Variants in EBF4 observed in about 807,000 individuals in gnomAD.
EBF4 encodes the protein EBF transcription factor 4, also known as transcription factor COE4.
Under a neutral mutation model 67.1 loss-of-function variants are expected in EBF4, and 34 were observed. The ratio of observed to expected loss-of-function variants is 0.51; its 90% CI spans 0.39 to 0.67. The LOEUF (loss-of-function observed/expected upper bound fraction) is 0.67. Ranked by LOEUF, EBF4 falls within the 30% of genes least tolerant of loss-of-function variation. The probability of loss-of-function intolerance (pLI) is 0.00; values close to 1 mark genes in which losing one functional copy is unlikely to be tolerated. For missense variants in EBF4, 837 were observed against 873.3 expected (o/e 0.96, Z 0.52); for synonymous variants, 387 against 377.7 (o/e 1.02, Z -0.29).
intron 1 of EBF4, among the ~76,000 whole-genome samples, chr20:2,702,786 G>A (rs1241559083): frequency 6.6e-6 from 1 of 152,128 alleles, no homozygotes; most frequent in African/African-American, 2.4e-5. Flanking sequence ...TGACCTAAGT[G>A]GTCCTCAAGG....
chr20:2,743,268 T>TTGC (rs2087994751), intron 6 of EBF4, among the ~76,000 whole-genome samples: 1 of 152,176 alleles, frequency 6.6e-6, no homozygotes, highest in South Asian at 2.1e-4. Context: ...TGTCTCCCCC[T>TTGC]GGTGGGCAAG....
chr20:2,711,619 G>A (rs1490665200), intron 6 of EBF4, among the ~76,000 whole-genome samples: 1 of 152,152 alleles, frequency 6.6e-6, no homozygotes, highest in Non-Finnish European at 1.5e-5. Flanking sequence ...AAGTATTTTT[G>A]TTTATTTGTT....
At chr20:2,703,421 G>A (rs1353047706) in intron 1 of EBF4, among the ~76,000 whole-genome samples, 1 of 152,012 alleles carries the variant, frequency 6.6e-6, no homozygotes, top group East Asian at 1.9e-4. Context: ...GGATGACAGA[G>A]CAAAACCCTG....
chr20:2,720,386 G>A (rs4815538), intron 6 of EBF4, among the ~76,000 whole-genome samples: 10,643 of 152,140 alleles, frequency 0.07, 475 homozygotes, highest in Middle Eastern at 0.11. Flanking sequence ...GTGAGCCACC[G>A]CCCCCGGCCC....
exon 8 of EBF4, chr20:2,749,488 C>A: frequency 6.5e-7 from 1 of 1,548,392 alleles, no homozygotes. Context: ...CAAGCATGGC[C>A]GCAGGGCGCG....
At chr20:2,719,784 A>G (rs999347160) in intron 6 of EBF4, among the ~76,000 whole-genome samples, 7 of 152,208 alleles carry the variant, frequency 4.6e-5, no homozygotes, top group African/African-American at 1.7e-4. Context: ...TTTTGAATTT[A>G]TTGAAACTTG....
intron 6 of EBF4, among the ~76,000 whole-genome samples, chr20:2,720,719 T>C (rs2087668859): frequency 6.6e-6 from 1 of 152,220 alleles, no homozygotes; most frequent in African/African-American, 2.4e-5. Context: ...AAATATTTTA[T>C]CTATTTATCC....
At chr20:2,730,898 T>C (rs563742939) in intron 6 of EBF4, among the ~76,000 whole-genome samples, 1 of 152,232 alleles carries the variant, frequency 6.6e-6, no homozygotes, top group South Asian at 2.1e-4. Context: ...TTGCTGGGTT[T>C]TTTGTTTGTT....
Position 2,748,620 on chromosome 20 carries a change from G to A in EBF4, c.629G>A (p.Arg210His). ...AATGCGGGGAATCCCAGAGACATGCGCCGCTTCCAGGTGGGTCTGGAGAGA... is the reference window on the plus strand; with the variant it reads ...AATGCGGGGAATCCCAGAGACATGCACCGCTTCCAGGTGGGTCTGGAGAGA... The change falls in exon 7 of 17, where the codon CGC becomes CAC. Residue 210 changes from arginine to histidine, a missense_variant. Coordinates refer to ENST00000609451, the Ensembl canonical transcript of EBF4. 3 of 1,551,522 alleles carry A rather than the reference G, an allele frequency of 1.9e-6. No homozygotes were observed. Among genetic ancestry groups the A allele is most frequent in the South Asian group, 1.2e-5 (1 of 84,054 alleles).
rs1343674733 is a variant in EBF4, at chr20:2,755,803, G to T, written c.1717G>T (p.Ala573Ser). 3 of 1,548,474 alleles carry T rather than the reference G, an allele frequency of 1.9e-6. No homozygotes were observed. In the Admixed American group the frequency reaches 5.9e-5, roughly 30 times the overall value. ...CTCCCCACCCCAGGCCTGCCCCAGA[G>T]CCCACGGAGAGGGGCTTCCAGGTGA... Residue 573 changes from alanine (A) to serine (S), a missense_variant, in exon 15 of 17, where the codon GCC becomes TCC. Ala to Ser is a moderately conservative substitution (Grantham distance 99). Coordinates refer to ENST00000609451, the Ensembl canonical transcript of EBF4. This position sits in a 1 kb window ranked among gnomAD's most constrained non-coding sequence, Gnocchi z 4.7.
intron 6 of EBF4, among the ~76,000 whole-genome samples, chr20:2,720,932 G>T (rs561493918): frequency 2.0e-5 from 3 of 152,150 alleles, no homozygotes; most frequent in Non-Finnish European, 4.4e-5. Flanking sequence ...TTTCTGATAA[G>T]AAATCTGATG....
At chr20:2,723,351 T>A (rs1405215558) in intron 6 of EBF4, among the ~76,000 whole-genome samples, 1 of 152,132 alleles carries the variant, frequency 6.6e-6, no homozygotes, top group Admixed American at 6.5e-5. Context: ...TATTTTTATT[T>A]TTTTTTATTT....
rs1379231921 is a variant in EBF4 at position 2,751,921 on chromosome 20, G to C, written c.1108-1G>C. 6.5e-7 allele frequency: 1 copy of C among 1,548,024 alleles called. No homozygotes were observed. Among genetic ancestry groups the C allele is most frequent in the Non-Finnish European group, 8.7e-7 (1 of 1,145,706 alleles). ...CCCGCTGTCTCTCCCCCTGTCCCCA[G>C]GAAGTGCTGCTGAAGCGGGCGGCCG... On this transcript the variant is annotated splice_acceptor_variant, in intron 11 of 16. Transcript: ENST00000609451. LOFTEE classifies it high-confidence loss of function. This position sits in a 1 kb window ranked among gnomAD's most constrained non-coding sequence, Gnocchi z 5.2.
chr20:2,718,572 A>G (rs2087640205), intron 6 of EBF4, among the ~76,000 whole-genome samples: 1 of 152,224 alleles, frequency 6.6e-6, no homozygotes, highest in Non-Finnish European at 1.5e-5. Context: ...TTGGCATAAA[A>G]TGTTTATAAT....
intron 1 of EBF4, among the ~76,000 whole-genome samples, chr20:2,701,749 C>T (rs373786485): frequency 2.9e-4 from 44 of 152,314 alleles, no homozygotes; most frequent in East Asian, 2.3e-3. Context: ...CAGGCCCCTT[C>T]GCTGGGCTAG....
At position 2,755,471 on chromosome 20, in the gene EBF4, C is replaced by T; in HGVS notation, c.1541-156C>T. ...AACCGCTGAGAGGTCAGGGCTGGCCCAGGACCCTCACAGCTCCCAGTGAGA... is the reference window on the plus strand; with the variant it reads ...AACCGCTGAGAGGTCAGGGCTGGCCTAGGACCCTCACAGCTCCCAGTGAGA... On this transcript the variant is annotated intron_variant, in intron 14 of 16. Transcript: ENST00000609451. The surrounding 1 kb of genome is among the most constrained non-coding windows in gnomAD (Gnocchi z 4.7). 1 of 615,070 alleles carries T rather than the reference C, an allele frequency of 1.6e-6. No homozygotes were observed. The highest frequency in any genetic ancestry group is 2.7e-5 in the East Asian group (1 of 36,456). 38.1% of individuals were successfully genotyped at this position (615,070 alleles called of 1,614,324 possible). A position where few individuals can be genotyped will look rare whatever the true frequency, so the allele number is the denominator to read the frequency against.
At chr20:2,736,660 T>C (rs1205760431) in intron 6 of EBF4, among the ~76,000 whole-genome samples, 1 of 152,138 alleles carries the variant, frequency 6.6e-6, no homozygotes, top group African/African-American at 2.4e-5. Context: ...GAGACTAAGG[T>C]TTCCCTCTTG....
chr20:2,754,071 A>C (rs74332426), intron 14 of EBF4, among the ~76,000 whole-genome samples: 36 of 152,262 alleles, frequency 2.4e-4, no homozygotes, highest in African/African-American at 8.2e-4. Context: ...GGGTCTTCTG[A>C]TTCAGCAAGA....
chr20:2,726,151 A>G (rs1041476965), intron 6 of EBF4, among the ~76,000 whole-genome samples: 4 of 152,200 alleles, frequency 2.6e-5, no homozygotes, highest in South Asian at 4.1e-4. Flanking sequence ...TGGAAATATC[A>G]ATCACATCAT....
Sources: gnomAD v4.1 joint callset for allele counts (sites outside exome capture counted in the v4.1 genomes callset) on GRCh38, gnomAD v4.1.1 for gene constraint, Gnocchi (gnomAD v3.1) non-coding constraint, MANE v1.5 for transcripts, NCBI Gene and HGNC (gene_info 2026-07-23, HGNC 2026-07-21) for gene names.